TK2: variants seen among roughly 807,000 people sequenced by gnomAD.
The protein encoded by TK2 is thymidine kinase 2, mitochondrial.
Under a neutral mutation model 41.9 loss-of-function variants are expected in TK2, and 35 were observed. That is an observed-to-expected ratio of 0.84 (90% CI 0.64 to 1.11). TK2 has a LOEUF of 1.11. Among genes scored for constraint, TK2 ranks in the 50% least tolerant of loss-of-function variants. The pLI is 0.00. For missense variants in TK2, 320 were observed against 351.1 expected (o/e 0.91, Z 0.71); for synonymous variants, 128 against 129.1 (o/e 0.99, Z 0.06).
At chr16:66,522,919 CCT>C (rs1364581857) in intron 6 of TK2, among the ~76,000 whole-genome samples, 4 of 152,252 alleles carry the variant, frequency 2.6e-5, no homozygotes, top group African/African-American at 9.6e-5. Flanking sequence ...CTGGAATCTT[CCT>C]CTCCAGCAAT....
At chr16:66,537,279 T>A (rs1965315051) in intron 3 of TK2, among the ~76,000 whole-genome samples, 1 of 152,148 alleles carries the variant, frequency 6.6e-6, no homozygotes, top group Admixed American at 6.5e-5. Flanking sequence ...CATAGGTACA[T>A]CCTACCTCTC....
intron 3 of TK2, 96 bp from the exon 4 acceptor site, chr16:66,537,113 AAG>A: frequency 3.2e-6 from 5 of 1,542,374 alleles, no homozygotes; most frequent in Non-Finnish European, 4.5e-6. Context: ...AGAAGGGAAA[AAG>A]AGAGAAAAAG....
intron 3 of TK2, among the ~76,000 whole-genome samples, chr16:66,541,648 C>A (rs1965458394): frequency 1.3e-5 from 2 of 152,042 alleles, no homozygotes; most frequent in Non-Finnish European, 2.9e-5. Flanking sequence ...AACTCCTGGG[C>A]TCAAGCAATC....
intron 4 of TK2, among the ~76,000 whole-genome samples, chr16:66,536,393 A>G (rs1006013881): frequency 1.7e-4 from 26 of 152,102 alleles, no homozygotes; most frequent in African/African-American, 6.0e-4. Flanking sequence ...CCCAGATTCT[A>G]TCCATCTCTT....
At chr16:66,543,588 G>C (rs1425001387) in intron 2 of TK2, among the ~76,000 whole-genome samples, 1 of 152,196 alleles carries the variant, frequency 6.6e-6, no homozygotes, top group Non-Finnish European at 1.5e-5. Context: ...ACTCAGGCTG[G>C]AAGCACCCAG....
chr16:66,518,190 C>T (rs1244821899), intron 6 of TK2: 1 of 395,006 alleles, frequency 2.5e-6, no homozygotes, highest in Non-Finnish European at 4.8e-6. Context: ...AGAGACAGTG[C>T]TCAGGTTAGG....
chr16:66,550,151 A>G (rs1183335790), upstream of TK2: 1 of 1,612,628 alleles, frequency 6.2e-7, no homozygotes, highest in Non-Finnish European at 8.5e-7. Context: ...CGCCGCCTGG[A>G]TCCCGGCGCC....
At chr16:66,542,161 C>T (rs142521945) in intron 2 of TK2, among the ~76,000 whole-genome samples, 4 of 152,306 alleles carry the variant, frequency 2.6e-5, no homozygotes, top group African/African-American at 9.6e-5. Flanking sequence ...GTGGCAGGCT[C>T]ATGTGGTCCC....
rs751251849 is a variant in TK2, at chr16:66,511,625, C to T, written c.*343G>A. 12 of 394,968 alleles carry T rather than the reference C, an allele frequency of 3.0e-5. No individual in the cohort carries two copies. The Admixed American group carries it at 3.3e-4, about 11-fold the overall frequency. The allele number at this position is 394,968 out of a possible 1,614,324, so 24.5% of individuals were successfully genotyped here. A position where few individuals can be genotyped will look rare whatever the true frequency, so the allele number is the denominator to read the frequency against. On this transcript the variant is annotated 3_prime_UTR_variant, in exon 10 of 10. Coordinates refer to ENST00000544898, the MANE Select transcript of TK2 (RefSeq NM_004614.5). ...CTCGGCCTCCTAATGAAGGCTGAGA[C>T]GATTGGTACACAGCTCCAGCGTGGT...
chr16:66,519,303 T>A (rs923293968), intron 6 of TK2, among the ~76,000 whole-genome samples: 2 of 152,018 alleles, frequency 1.3e-5, no homozygotes, highest in African/African-American at 4.8e-5. Flanking sequence ...CTCAGCCTCC[T>A]GAGTAGCTGG....
chr16:66,548,740 T>C, intron 2 of TK2: 1 of 522,252 alleles, frequency 1.9e-6, no homozygotes, highest in South Asian at 2.3e-5. Context: ...AGCCCAAATC[T>C]ACCTGAAGGA....
At chr16:66,528,757 T>C (rs748805948) in intron 6 of TK2, among the ~76,000 whole-genome samples, 6 of 152,144 alleles carry the variant, frequency 3.9e-5, no homozygotes, top group East Asian at 1.9e-4. Flanking sequence ...AGACATCTCA[T>C]TGAGCCTAGC....
intron 6 of TK2, among the ~76,000 whole-genome samples, chr16:66,524,631 C>T (rs867504842): frequency 5.3e-5 from 8 of 152,312 alleles, no homozygotes; most frequent in Middle Eastern, 3.4e-3. Flanking sequence ...AGCCACTACA[C>T]CCGGCCCTGC....
intron 6 of TK2, among the ~76,000 whole-genome samples, chr16:66,525,432 T>C (rs888869137): frequency 2.6e-5 from 4 of 152,214 alleles, no homozygotes; most frequent in African/African-American, 9.6e-5. Context: ...TAGGTTAAAA[T>C]AGGAGACTCC....
chr16:66,513,993 C>T, intron 8 of TK2, 182 bp from the exon 9 acceptor site: 1 of 680,256 alleles, frequency 1.5e-6, no homozygotes, highest in South Asian at 1.5e-5. Context: ...ACTCGGTGGC[C>T]AGGCTGAGCA....
rs1385461737 is a variant in TK2 at position 66,549,961 on chromosome 16, A to T, written c.101T>A (p.Val34Glu). The change falls in exon 1 of 10, where the codon GTG (valine) becomes GAG (glutamate). Residue 34 changes from valine to glutamate, a missense_variant. Val to Glu is a moderately radical substitution (Grantham distance 121, BLOSUM62 -2). Coordinates refer to ENST00000544898, the MANE Select transcript of TK2 (RefSeq NM_004614.5). ...ACCGGGAGGCCAGGCCCGGCGCTGC[A>T]CCCTCCGCGGCCCGGGGCCTGAGGC... ...SPASGPGPRR[V>E]QRRAWPPDKE... 4 of 1,452,588 alleles carry T rather than the reference A, an allele frequency of 2.8e-6. No homozygotes were observed. The highest frequency in any genetic ancestry group is 3.6e-6 in the Non-Finnish European group (4 of 1,113,984). 90.0% of individuals were successfully genotyped at this position (1,452,588 alleles called of 1,614,324 possible).
chr16:66,515,362 A>G (rs1964581057), intron 8 of TK2, among the ~76,000 whole-genome samples: 1 of 152,044 alleles, frequency 6.6e-6, no homozygotes, highest in Admixed American at 6.5e-5. Context: ...CTCGTAACCT[A>G]TAGACCCTCC....
intron 1 of TK2, 96 bp from the exon 2 acceptor site, chr16:66,549,105 C>T: frequency 6.3e-7 from 1 of 1,593,434 alleles, no homozygotes; most frequent in Non-Finnish European, 8.6e-7. Flanking sequence ...AATGTTTATG[C>T]TCACTCCCTG....
At chr16:66,520,109 G>A (rs1184777574) in intron 6 of TK2, among the ~76,000 whole-genome samples, 2 of 152,194 alleles carry the variant, frequency 1.3e-5, no homozygotes, top group African/African-American at 4.8e-5. Flanking sequence ...GCAGCACAGA[G>A]GCCAGGGCAG....
Sources: gnomAD v4.1 joint callset for allele counts (sites outside exome capture counted in the v4.1 genomes callset) on GRCh38, gnomAD v4.1.1 for gene constraint, MANE v1.5 for transcripts, NCBI Gene and HGNC (gene_info 2026-07-23, HGNC 2026-07-21) for gene names.